The following PDE3A variants were observed in gnomAD, a reference collection of about 807,000 sequenced individuals.
PDE3A encodes the protein cGMP-inhibited 3',5'-cyclic phosphodiesterase 3A.
Under a neutral mutation model 98.3 loss-of-function variants are expected in PDE3A, and 43 were observed. That is an observed-to-expected ratio of 0.44 (90% CI 0.34 to 0.56). The LOEUF is 0.56. PDE3A is among the 20% of genes least tolerant of loss of function. The pLI is 0.01. For synonymous variants in PDE3A, 663 were observed against 567.9 expected (o/e 1.17, Z -2.38); for missense variants, 1,427 against 1,440.7 (o/e 0.99, Z 0.15).
chr12:20,550,083 C>T (rs1942158302), intron 1 of PDE3A, among the ~76,000 whole-genome samples: 1 of 152,112 alleles, frequency 6.6e-6, no homozygotes, highest in African/African-American at 2.4e-5. Context: ...AATTCTGGTC[C>T]TACAAAAATG....
At chr12:20,633,938 G>C (rs969222232) in intron 7 of PDE3A, among the ~76,000 whole-genome samples, 160 bp downstream of exon 7, 3 of 152,136 alleles carry the variant, frequency 2.0e-5, no homozygotes, top group Admixed American at 2.0e-4. Context: ...GGCCTCAAGT[G>C]ATCCTCCCGC....
chr12:20,489,365 C>T (rs1303659912), intron 1 of PDE3A, among the ~76,000 whole-genome samples: 1 of 152,176 alleles, frequency 6.6e-6, no homozygotes, highest in Non-Finnish European at 1.5e-5. Context: ...CCCCTGACAG[C>T]AGAAGCAAGT....
At chr12:20,383,310 T>C (rs1489757264) in intron 1 of PDE3A, among the ~76,000 whole-genome samples, 1 of 151,968 alleles carries the variant, frequency 6.6e-6, no homozygotes, top group East Asian at 1.9e-4. Context: ...TTTTTCATGG[T>C]AAAATATCAG....
At chr12:20,419,262 TTTTTA>T (rs143820945) in intron 1 of PDE3A, among the ~76,000 whole-genome samples, 6,668 of 152,070 alleles carry the variant, frequency 0.044, 195 homozygotes, top group Non-Finnish European at 0.062. Flanking sequence ...TGCCGTTTCT[TTTTTA>T]TTTTATTTTT....
In PDE3A at chr12:20,638,635, A is replaced by G. The variant is rs540351155; in HGVS notation, c.2140-1211A>G. ...ATTGTGTATTTTCTTTCTGAAACCC[A>G]TGGAAAACTGCAACTTTGAGGGAGT... On this transcript the variant is annotated intron_variant, in intron 9 of 15. Transcript: ENST00000359062. Among the ~76,000 whole-genome samples, 6 of 152,260 alleles carry G rather than the reference A, an allele frequency of 3.9e-5. No individual in the cohort carries two copies. The East Asian group carries it at 9.7e-4, about 25-fold the overall frequency.
rs555227427 is a variant in PDE3A, at chr12:20,574,937, G to T, written c.1011+18227G>T. ...GATCCCACCATTACACAGATTTTTT[G>T]TTCATACTTTAGAGATGGCATCGAA... On this transcript the variant is annotated intron_variant, in intron 2 of 15. Coordinates refer to ENST00000359062, the MANE Select transcript of PDE3A (RefSeq NM_000921.5). 2.0e-5 allele frequency among the ~76,000 whole-genome samples: 3 copies of T among 151,978 alleles called. No homozygotes were observed. The East Asian group carries it at 5.8e-4, about 29-fold the overall frequency.
At position 20,478,781 on chromosome 12, in the gene PDE3A, G is replaced by A. The variant is rs542273943; in HGVS notation, c.961-77879G>A. On this transcript the variant is annotated intron_variant, in intron 1 of 15. Transcript: ENST00000359062. ...GGACAATGTCAATATTTTATGGGCT[G>A]TATTTCAACATTATTAATTCTAATG... is the stretch of plus-strand genomic sequence containing the variant. Among the ~76,000 whole-genome samples the A allele has an allele frequency of 3.9e-5, 6 of 152,226 alleles. No individual in the cohort carries two copies. The East Asian group carries it at 7.7e-4, about 20-fold the overall frequency.
In PDE3A at chr12:20,386,206, TATATATAAATATATAAAAAATAA is replaced by T. The variant is rs1565532743; in HGVS notation, c.960+15964_960+15986del. On this transcript the variant is annotated intron_variant, in intron 1 of 15. Coordinates refer to ENST00000359062, the MANE Select transcript of PDE3A (RefSeq NM_000921.5). ...ATAAATATATATAAATATATAAAAA[TATATATAAATATATAAAAAATAA>T]AAATATAAATATAAATATATTAATT... Among the ~76,000 whole-genome samples, 236 of 63,870 alleles carry T rather than the reference TATATATAAATATATAAAAAATAA, an allele frequency of 3.7e-3. 20 individuals carry two copies. In the East Asian group the frequency reaches 0.086, roughly 23 times the overall value. The allele number at this position is 63,870 out of a possible 152,430, so 41.9% of individuals were successfully genotyped here. A position where few individuals can be genotyped will look rare whatever the true frequency, so the allele number is the denominator to read the frequency against.
chr12:20,485,197 G>A (rs193170822), intron 1 of PDE3A, among the ~76,000 whole-genome samples: 4 of 152,222 alleles, frequency 2.6e-5, no homozygotes, highest in Admixed American at 6.5e-5. Context: ...AGGGCTGCGA[G>A]GGAAAATCTA....
intron 2 of PDE3A, chr12:20,556,973 G>T: frequency 7.1e-6 from 3 of 424,474 alleles, no homozygotes; most frequent in Admixed American, 8.7e-5. Context: ...ATCTTGTCTC[G>T]GCAGAATACA....
At chr12:20,572,423 GTTAA>G (rs1430528851) in intron 2 of PDE3A, among the ~76,000 whole-genome samples, 1 of 152,046 alleles carries the variant, frequency 6.6e-6, no homozygotes, top group Non-Finnish European at 1.5e-5. Flanking sequence ...ATCTTAGAAT[GTTAA>G]ACAGAATATT....
chr12:20,531,774 C>A (rs2121188790), intron 1 of PDE3A, among the ~76,000 whole-genome samples: 1 of 152,230 alleles, frequency 6.6e-6, no homozygotes, highest in South Asian at 2.1e-4. Context: ...ACAAATGATA[C>A]CACTATTTTG....
intron 1 of PDE3A, among the ~76,000 whole-genome samples, chr12:20,439,209 CTTTTCTT>C (rs1160051760): frequency 1.3e-5 from 2 of 152,070 alleles, no homozygotes; most frequent in Admixed American, 6.6e-5. Context: ...TTAAAAAGGG[CTTTTCTT>C]AGCTTTGCAA....
intron 15 of PDE3A, among the ~76,000 whole-genome samples, chr12:20,671,999 A>G (rs1279502985): frequency 6.7e-6 from 1 of 150,372 alleles, no homozygotes. Context: ...AACTTCAGCA[A>G]AGTCTCAGGA....
chr12:20,556,341 A>C (rs972579612), intron 1 of PDE3A, among the ~76,000 whole-genome samples: 1 of 152,164 alleles, frequency 6.6e-6, no homozygotes, highest in African/African-American at 2.4e-5. Context: ...ATATTTTCTT[A>C]AAAAGCTAAA....
At chr12:20,454,492 A>G (rs1262206434) in intron 1 of PDE3A, among the ~76,000 whole-genome samples, 2 of 152,252 alleles carry the variant, frequency 1.3e-5, no homozygotes, top group South Asian at 2.1e-4. Context: ...TTACCTTTTA[A>G]GTTCAGGGGT....
rs1164891030 is a variant in PDE3A, at chr12:20,681,725, TTTTG to T, written c.*1462_*1465del. ...TTGGGTTATTATTGAAAGTCTTTTT[TTTTG>T]TTTGTTTTGTTTTGGTTTGTTTGTT... On this transcript the variant is annotated 3_prime_UTR_variant, in exon 16 of 16. Transcript: ENST00000359062. The T allele has an allele frequency of 2.0e-5, 3 of 152,168 alleles. No homozygotes were observed. The highest frequency in any genetic ancestry group is 6.5e-5 in the Admixed American group (1 of 15,284). 9.4% of individuals were successfully genotyped at this position (152,168 alleles called of 1,614,324 possible).
intron 1 of PDE3A, among the ~76,000 whole-genome samples, chr12:20,511,441 CACACAT>C: frequency 6.6e-6 from 1 of 151,212 alleles, no homozygotes; most frequent in Middle Eastern, 3.4e-3. Context: ...CACACACACA[CACACAT>C]ACACACACAC....
chr12:20,425,550 C>T lies in PDE3A; in HGVS notation c.960+55306C>T, dbSNP rs929038540. On this transcript the variant is annotated intron_variant, in intron 1 of 15. Transcript: ENST00000359062. Reference sequence around the variant, plus strand: ...GAGCTAGCACTTAAGTTAGGCCAGACGTTTTTCTAAGCACTTTACAGATGC... The same window carrying T: ...GAGCTAGCACTTAAGTTAGGCCAGATGTTTTTCTAAGCACTTTACAGATGC... Among the ~76,000 whole-genome samples, 9 of 152,220 alleles carry T rather than the reference C, an allele frequency of 5.9e-5. No homozygotes were observed. The South Asian group carries it at 8.3e-4, about 14-fold the overall frequency.
Sources: gnomAD v4.1 joint callset for allele counts (sites outside exome capture counted in the v4.1 genomes callset) on GRCh38, gnomAD v4.1.1 for gene constraint, MANE v1.5 for transcripts, NCBI Gene and HGNC (gene_info 2026-07-23, HGNC 2026-07-21) for gene names.